ACRBP: variants seen among roughly 807,000 people sequenced by gnomAD.
ACRBP encodes acrosin binding protein.
In ACRBP, 52 loss-of-function variants were observed where a neutral mutation model predicts 69.0. The observed-to-expected ratio is 0.75, with a 90% CI of 0.60 to 0.95. The LOEUF (loss-of-function observed/expected upper bound fraction) is 0.95. Among genes scored for constraint, ACRBP ranks in the 40% least tolerant of loss-of-function variants. The pLI, the probability that ACRBP is intolerant of heterozygous loss-of-function variation, is 0.00. For synonymous variants in ACRBP, 267 were observed against 258.9 expected (o/e 1.03, Z -0.30); for missense variants, 604 against 673.0 (o/e 0.90, Z 1.13).
chr12:6,645,415 T>G, intron 3 of ACRBP, 78 bp from the exon 4 acceptor site: 1 of 1,095,338 alleles, frequency 9.1e-7, no homozygotes, highest in Admixed American at 1.8e-5. Context: ...CAACCCCTTT[T>G]CCAGCATGTC....
Position 6,647,183 on chromosome 12 carries a change from G to C in ACRBP, c.43+141C>G. 3.5e-6 allele frequency: 4 copies of C among 1,143,466 alleles called. No homozygotes were observed. In the South Asian group the frequency reaches 4.1e-5, roughly 12 times the overall value. 70.8% of individuals were successfully genotyped at this position (1,143,466 alleles called of 1,614,324 possible). A position where few individuals can be genotyped will look rare whatever the true frequency, so the allele number is the denominator to read the frequency against. On this transcript the variant is annotated intron_variant, in intron 1 of 9. Coordinates refer to ENST00000229243, the MANE Select transcript of ACRBP (RefSeq NM_032489.3). ...AAAGGTCCGGCCGCGGGCGGGGGGA[G>C]ATGGGAGTATCCCAGGACCTAGGGA... is the stretch of plus-strand genomic sequence containing the variant.
In ACRBP at chr12:6,647,388, G is replaced by C. The variant is rs949440285; in HGVS notation, c.-22C>G. ...TCATGGCCGGAGAAGATCCGCCCGC[G>C]TCCCGTGGACACAAGCCGCCTCTAA... is the stretch of plus-strand genomic sequence containing the variant. On this transcript the variant is annotated 5_prime_UTR_variant, in exon 1 of 10. Transcript: ENST00000229243. The C allele has an allele frequency of 2.6e-6, 4 of 1,517,822 alleles. No individual in the cohort carries two copies. Among genetic ancestry groups the C allele is most frequent in the African/African-American group, 1.4e-5 (1 of 71,354 alleles). The allele number at this position is 1,517,822 out of a possible 1,614,324, so 94.0% of individuals were successfully genotyped here.
chr12:6,646,492 G>A lies in ACRBP; in HGVS notation c.348C>T (p.Tyr116=). The A allele has an allele frequency of 6.2e-7, 1 of 1,614,100 alleles. No individual in the cohort carries two copies. The highest frequency in any genetic ancestry group is 1.1e-5 in the South Asian group (1 of 91,086). Residue 116 remains tyrosine (Y), a synonymous_variant, in exon 3 of 10, where the codon TAC becomes TAT. Transcript: ENST00000229243. ...FTHYRCSNHV[Y]YAKRVLCSQP... ...TTGTCCTGGGCCTCACCTTGGCATA[G>A]TAGACGTGGTTGGAGCAACGGTAGT...
chr12:6,645,143 C>A (rs1053551657), intron 4 of ACRBP, 77 bp downstream of exon 4: 9 of 1,157,518 alleles, frequency 7.8e-6, no homozygotes, highest in Non-Finnish European at 1.1e-5. Flanking sequence ...CATTTCCCTG[C>A]CATGGATGCC....
chr12:6,644,134 T>C lies in ACRBP; in HGVS notation c.944+3A>G, dbSNP rs1949071540. On this transcript the variant is annotated splice_donor_region_variant and intron_variant, in intron 5 of 9. Coordinates refer to ENST00000229243, the MANE Select transcript of ACRBP (RefSeq NM_032489.3). ...TGGATGACAGAGTCAAAACTTCCTA[T>C]ACCTGCCAGGGTTTTGGTTTCTCCA... 2 of 1,566,198 alleles carry C rather than the reference T, an allele frequency of 1.3e-6. No individual in the cohort carries two copies. Among genetic ancestry groups the C allele is most frequent in the African/African-American group, 2.7e-5 (2 of 73,376 alleles).
rs983225540 is a variant in ACRBP at position 6,638,398 on chromosome 12, G to A, written c.1516C>T (p.Arg506Cys). Residue 506 changes from arginine (R) to cysteine (C), a missense_variant, in exon 10 of 10, where the codon CGC becomes TGC. Physicochemically the swap from Arg to Cys is radical, Grantham distance 180 (BLOSUM62 -3). Coordinates refer to ENST00000229243, the MANE Select transcript of ACRBP (RefSeq NM_032489.3). ...LMRNRNRKVS[R>C]MRCLQNETYS... ...GTCTCATTCTGCAGACATCTCATGC[G>A]GGACACCTACACAGAGATTCAGTGC... The A allele has an allele frequency of 3.1e-6, 5 of 1,613,934 alleles. No homozygotes were observed. Among genetic ancestry groups the A allele is most frequent in the East Asian group, 4.5e-5 (2 of 44,862 alleles).
In ACRBP at chr12:6,638,662, A is replaced by G. The variant is rs1027591680; in HGVS notation, c.1510-258T>C. The G allele has an allele frequency of 8.6e-6, 12 of 1,399,764 alleles. No homozygotes were observed. In the African/African-American group the frequency reaches 1.7e-4, roughly 20 times the overall value. The allele number at this position is 1,399,764 out of a possible 1,614,324, so 86.7% of individuals were successfully genotyped here. On this transcript the variant is annotated intron_variant, in intron 9 of 9. Coordinates refer to ENST00000229243, the MANE Select transcript of ACRBP (RefSeq NM_032489.3). ...ATCCCAGGCTACTTGGTGAGTAAGA[A>G]GAGGAGACAGACCGAGACCTCAACG... is the stretch of plus-strand genomic sequence containing the variant.
In ACRBP at chr12:6,643,668, G is replaced by C. The variant is rs148058585; in HGVS notation, c.948C>G (p.Leu316=). ...AGGCCTCTGTGTGGGGCAGCTGCAG[G>C]AGGCTGCAAGAAGACAGCACTGAGG... is the stretch of plus-strand genomic sequence containing the variant. The part of the protein sequence containing the change: ...SYWRNQNPGS[L]LQLPHTEALL... Residue 316 remains leucine (L), a synonymous_variant, in exon 6 of 10, where the codon CTC becomes CTG. Transcript: ENST00000229243. The C allele has an allele frequency of 6.2e-7, 1 of 1,613,838 alleles. No individual in the cohort carries two copies. The highest frequency in any genetic ancestry group is 1.3e-5 in the African/African-American group (1 of 74,920).
intron 3 of ACRBP, 83 bp from the exon 4 acceptor site, chr12:6,645,420 C>T: frequency 9.6e-7 from 1 of 1,044,024 alleles, no homozygotes; most frequent in Non-Finnish European, 1.5e-6. Context: ...CCTTTTCCAG[C>T]ATGTCTTATC....
intron 6 of ACRBP, among the ~76,000 whole-genome samples, chr12:6,642,476 TC>T (rs2136250017): frequency 6.6e-6 from 1 of 152,300 alleles, no homozygotes; most frequent in South Asian, 2.1e-4. Flanking sequence ...AGATAGAAAT[TC>T]AATTTCATTT....
At chr12:6,646,356 G>A (rs766879517) in intron 3 of ACRBP, 127 bp downstream of exon 3, 1 of 807,076 alleles carries the variant, frequency 1.2e-6, no homozygotes, top group Non-Finnish European at 2.1e-6. Context: ...CTGGGTAAAT[G>A]ACTGGCAAAA....
At chr12:6,641,844 T>A (rs972801269) in intron 6 of ACRBP, among the ~76,000 whole-genome samples, 21 of 152,154 alleles carry the variant, frequency 1.4e-4, no homozygotes, top group Non-Finnish European at 2.5e-4. Flanking sequence ...GCCCAGGAGT[T>A]TGAGATCAGC....
intron 5 of ACRBP, 30 bp downstream of exon 5, chr12:6,644,107 G>C: frequency 1.3e-6 from 2 of 1,540,550 alleles, no homozygotes; most frequent in Non-Finnish European, 1.7e-6. Context: ...GGGAGGGCAG[G>C]GTGGATGACA....
intron 8 of ACRBP, 141 bp from the exon 9 acceptor site, chr12:6,639,178 C>G (rs765069759): frequency 1.4e-5 from 10 of 708,918 alleles, no homozygotes; most frequent in Non-Finnish European, 2.2e-5. Flanking sequence ...CGGCCCCTCA[C>G]TCCGCTTTCC....
rs771993653 is a variant in ACRBP, at chr12:6,638,409, A to G, written c.1510-5T>C. 9.3e-6 allele frequency: 15 copies of G among 1,613,978 alleles called. No homozygotes were observed. The highest frequency in any genetic ancestry group is 1.3e-5 in the Non-Finnish European group (15 of 1,180,004). On this transcript the variant is annotated splice_polypyrimidine_tract_variant and splice_region_variant and intron_variant, in intron 9 of 9. Coordinates refer to ENST00000229243, the MANE Select transcript of ACRBP (RefSeq NM_032489.3). Reference sequence around the variant, plus strand: ...CAGACATCTCATGCGGGACACCTACACAGAGATTCAGTGCAGACGGTCTGT... The same window carrying G: ...CAGACATCTCATGCGGGACACCTACGCAGAGATTCAGTGCAGACGGTCTGT...
At chr12:6,646,712 T>C (rs1949092427) in intron 2 of ACRBP, 82 bp downstream of exon 2, 2 of 1,560,558 alleles carry the variant, frequency 1.3e-6, no homozygotes, top group East Asian at 4.5e-5. Flanking sequence ...CTTCCCCGCC[T>C]CACATGAGCA....
Position 6,645,338 on chromosome 12 carries a change from C to T in ACRBP, c.358-1G>A. 1 of 1,609,906 alleles carries T rather than the reference C, an allele frequency of 6.2e-7. No individual in the cohort carries two copies. Among genetic ancestry groups the T allele is most frequent in the Non-Finnish European group, 8.5e-7 (1 of 1,176,450 alleles). ...AGACTGGCTGGGAACACAGGACTCT[C>T]TGCAGGAAGAGAAGGAAAATGGGAA... On this transcript the variant is annotated splice_acceptor_variant, in intron 3 of 9. Coordinates refer to ENST00000229243, the MANE Select transcript of ACRBP (RefSeq NM_032489.3). LOFTEE classifies it high-confidence loss of function.
chr12:6,645,580 C>T (rs895054837), intron 3 of ACRBP, among the ~76,000 whole-genome samples: 5 of 152,064 alleles, frequency 3.3e-5, no homozygotes, highest in Non-Finnish European at 7.4e-5. Flanking sequence ...CTGACCTGTT[C>T]GAAGAAACGT....
chr12:6,638,905 C>G, intron 9 of ACRBP, 49 bp downstream of exon 9: 2 of 1,604,734 alleles, frequency 1.2e-6, no homozygotes, highest in Non-Finnish European at 1.7e-6. Context: ...GTTATGGTGA[C>G]TGATTGAGGG....
Sources: allele counts gnomAD v4.1 joint callset (sites outside exome capture counted in the v4.1 genomes callset), GRCh38; gene constraint gnomAD v4.1.1; transcripts MANE v1.5; gene names NCBI Gene and HGNC (gene_info 2026-07-23, HGNC 2026-07-21).